HGF: variants seen among roughly 807,000 people sequenced by gnomAD.
HGF encodes the protein hepatocyte growth factor.
HGF carries 39 observed loss-of-function variants against 111.6 expected under a neutral mutation model. The ratio of observed to expected loss-of-function variants is 0.35; its 90% CI spans 0.27 to 0.46. The LOEUF is 0.46. Among genes scored for constraint, HGF ranks in the 20% least tolerant of loss-of-function variants. HGF has a pLI of 1.00. For missense variants in HGF, 735 were observed against 910.5 expected, an observed-to-expected ratio of 0.81 and a Z score of 2.48; for synonymous variants, 285 against 294.8, an observed-to-expected ratio of 0.97 and a Z score of 0.34.
intron 7 of HGF, among the ~76,000 whole-genome samples, chr7:81,740,212 G>A (rs1317801057): frequency 6.6e-6 from 1 of 152,142 alleles, no homozygotes; most frequent in African/African-American, 2.4e-5. Flanking sequence ...CAACTTTCTA[G>A]AGAGTAAGTG....
At chr7:81,744,547 AAGG>A (rs1442995197) in intron 6 of HGF, among the ~76,000 whole-genome samples, 2 of 152,126 alleles carry the variant, frequency 1.3e-5, no homozygotes, top group African/African-American at 2.4e-5. Context: ...GCTGCTCCAG[AAGG>A]AGATTTGCCT....
At chr7:81,735,190 A>G (rs1324669386) in intron 7 of HGF, among the ~76,000 whole-genome samples, 2 of 152,080 alleles carry the variant, frequency 1.3e-5, no homozygotes, top group African/African-American at 2.4e-5. Flanking sequence ...CCTCCAAAAT[A>G]TGAACCTCAA....
At chr7:81,761,518 G>A (rs1789075302) in intron 2 of HGF, among the ~76,000 whole-genome samples, 1 of 146,546 alleles carries the variant, frequency 6.8e-6, no homozygotes, top group African/African-American at 2.5e-5. Flanking sequence ...TAATTGAGTA[G>A]AATTTAATAT....
chr7:81,704,071 T>C (rs1789358868), intron 17 of HGF, among the ~76,000 whole-genome samples: 1 of 151,816 alleles, frequency 6.6e-6, no homozygotes, highest in South Asian at 2.1e-4. Flanking sequence ...GTGGCTAAAT[T>C]ACCTTGATTT....
chr7:81,747,440 T>C (rs1788315090), intron 5 of HGF, among the ~76,000 whole-genome samples: 1 of 152,196 alleles, frequency 6.6e-6, no homozygotes, highest in Non-Finnish European at 1.5e-5. Context: ...GGATAAATTA[T>C]AAAGGGACAA....
intron 1 of HGF, among the ~76,000 whole-genome samples, chr7:81,767,913 A>C (rs1789444525): frequency 6.6e-6 from 1 of 152,150 alleles, no homozygotes; most frequent in East Asian, 1.9e-4. Context: ...CATATTTTTT[A>C]TTTTAAAGGT....
intron 7 of HGF, among the ~76,000 whole-genome samples, chr7:81,735,506 G>T (rs983196199): frequency 6.6e-6 from 1 of 151,992 alleles, no homozygotes; most frequent in African/African-American, 2.4e-5. Context: ...AATCAGCTTT[G>T]TCTAAGAAAG....
At chr7:81,753,004 G>C (rs1788581046) in intron 4 of HGF, among the ~76,000 whole-genome samples, 1 of 152,044 alleles carries the variant, frequency 6.6e-6, no homozygotes, top group Non-Finnish European at 1.5e-5. Flanking sequence ...TGTATCTACT[G>C]TGTCCTAATA....
chr7:81,752,002 C>T lies in HGF; in HGVS notation c.625+118G>A. 2.6e-6 allele frequency: 4 copies of T among 1,511,718 alleles called. No homozygotes were observed. In the South Asian group the frequency reaches 3.9e-5, roughly 15 times the overall value. The allele number at this position is 1,511,718 out of a possible 1,614,324, so 93.6% of individuals were successfully genotyped here. A position where few individuals can be genotyped will look rare whatever the true frequency, so the allele number is the denominator to read the frequency against. On this transcript the variant is annotated intron_variant, in intron 5 of 17. Transcript: ENST00000222390. ...ATGTTTAAATAATTATTTGTAGTTG[C>T]ATTTGCACGAACAACATATTTGTTA...
rs1789678429 is a variant in HGF, at chr7:81,715,258, A to G, written c.1405+1974T>C. 2.6e-5 allele frequency among the ~76,000 whole-genome samples: 4 copies of G among 152,128 alleles called. 1 individual carries two copies. The South Asian group carries it at 8.3e-4, about 31-fold the overall frequency. ...CCTTTTTCCTTCTTCCTACACCATTATATATTCTATGAGCCTCCATTAGTC... is the reference window on the plus strand; with the variant it reads ...CCTTTTTCCTTCTTCCTACACCATTGTATATTCTATGAGCCTCCATTAGTC... On this transcript the variant is annotated intron_variant, in intron 11 of 17. Coordinates refer to ENST00000222390, the MANE Select transcript of HGF (RefSeq NM_000601.6).
intron 1 of HGF, among the ~76,000 whole-genome samples, chr7:81,766,135 A>G (rs966389196): frequency 6.6e-6 from 1 of 152,190 alleles, no homozygotes; most frequent in African/African-American, 2.4e-5. Flanking sequence ...AAATGTATCA[A>G]GGTGCTTGAA....
Position 81,705,383 on chromosome 7 carries a change from T to G in HGF, c.2010+7A>C, listed in dbSNP as rs1789394487. 6.2e-7 allele frequency: 1 copy of G among 1,611,832 alleles called. No homozygotes were observed. The highest frequency in any genetic ancestry group is 1.3e-5 in the African/African-American group (1 of 74,810). ...ACATACTCCTTATTAAAGAACTTCCTTTTTACCTCACATGGTCCTGATCCA... is the reference window on the plus strand; with the variant it reads ...ACATACTCCTTATTAAAGAACTTCCGTTTTACCTCACATGGTCCTGATCCA... On this transcript the variant is annotated splice_region_variant and intron_variant, in intron 17 of 17. Transcript: ENST00000222390.
rs1180243895 is a variant in HGF at position 81,744,983 on chromosome 7, A to G, written c.746+17T>C. 6.2e-7 allele frequency: 1 copy of G among 1,613,308 alleles called. No individual in the cohort carries two copies. Among genetic ancestry groups the G allele is most frequent in the Admixed American group, 1.7e-5 (1 of 60,028 alleles). On this transcript the variant is annotated intron_variant, in intron 6 of 17. Coordinates refer to ENST00000222390, the MANE Select transcript of HGF (RefSeq NM_000601.6). ...TTGTAAAAGAATCACTGAAAGCATG[A>G]TTCATTAATATTTTACCTTTCAGGC...
intron 9 of HGF, among the ~76,000 whole-genome samples, chr7:81,721,863 T>A (rs1264589649): frequency 6.6e-6 from 1 of 152,216 alleles, no homozygotes; most frequent in Admixed American, 6.5e-5. Context: ...AATATCCTAA[T>A]GCCAAACAAA....
In HGF at chr7:81,769,192, T is replaced by C. The variant is rs183128617; in HGVS notation, c.88+692A>G. Among the ~76,000 whole-genome samples, 39 of 152,184 alleles carry C rather than the reference T, an allele frequency of 2.6e-4. 2 individuals carry two copies. The highest frequency in any genetic ancestry group is 2.5e-3 in the Admixed American group (38 of 15,286). On this transcript the variant is annotated intron_variant, in intron 1 of 17. Transcript: ENST00000222390. ...CTAAATCTCCAAGCAATATGAACTTTCAAGCAACTCCTCCCCAAACGGCAA... is the reference window on the plus strand; with the variant it reads ...CTAAATCTCCAAGCAATATGAACTTCCAAGCAACTCCTCCCCAAACGGCAA...
chr7:81,732,356 T>C (rs1277548916), intron 7 of HGF, among the ~76,000 whole-genome samples: 1 of 152,194 alleles, frequency 6.6e-6, no homozygotes, highest in Non-Finnish European at 1.5e-5. Context: ...TTCAAAAGGC[T>C]GTTTGTTTCC....
At chr7:81,768,942 T>C (rs74630198) in intron 1 of HGF, among the ~76,000 whole-genome samples, 1 of 152,178 alleles carries the variant, frequency 6.6e-6, no homozygotes, top group South Asian at 2.1e-4. Context: ...ATAAATGTCA[T>C]ATTTACCATC....
chr7:81,739,304 T>C (rs957556939), intron 7 of HGF, among the ~76,000 whole-genome samples: 1 of 152,170 alleles, frequency 6.6e-6, no homozygotes. Flanking sequence ...GCCTGTGTTG[T>C]ATTTTGTGTT....
chr7:81,702,774 C>A lies in HGF; in HGVS notation c.2011-17G>T. On this transcript the variant is annotated splice_polypyrimidine_tract_variant and intron_variant, in intron 17 of 17. Coordinates refer to ENST00000222390, the MANE Select transcript of HGF (RefSeq NM_000601.6). ...ATAATCCCCCTAGGAGTAAGACATA[C>A]AAAAACAAAGTATTATTAGGAATTA... 1.2e-6 allele frequency: 2 copies of A among 1,603,204 alleles called. No individual in the cohort carries two copies. Among genetic ancestry groups the A allele is most frequent in the South Asian group, 1.1e-5 (1 of 90,742 alleles).
Sources: allele counts gnomAD v4.1 joint callset (sites outside exome capture counted in the v4.1 genomes callset), GRCh38; gene constraint gnomAD v4.1.1; transcripts MANE v1.5; gene names NCBI Gene and HGNC (gene_info 2026-07-23, HGNC 2026-07-21).